Variants in ULK4 observed in about 807,000 individuals in gnomAD.
ULK4 encodes inactive serine/threonine-protein kinase ULK4.
In ULK4, 133 loss-of-function variants were observed where a neutral mutation model predicts 160.6. The observed-to-expected ratio is 0.83, with a 90% CI of 0.72 to 0.96. ULK4 has a LOEUF of 0.96. ULK4 is among the 40% of genes least tolerant of loss of function. The probability of loss-of-function intolerance (pLI) is 0.00; values close to 1 mark genes in which losing one functional copy is unlikely to be tolerated. For synonymous variants in ULK4, 534 were observed against 539.8 expected, an observed-to-expected ratio of 0.99 and a Z score of 0.15; for missense variants, 1,580 against 1,499.5, an observed-to-expected ratio of 1.05 and a Z score of -0.89.
chr3:41,642,208 CTTTAAG>C (rs1559453776), intron 30 of ULK4, among the ~76,000 whole-genome samples: 1 of 151,866 alleles, frequency 6.6e-6, no homozygotes, highest in African/African-American at 2.4e-5. Context: ...TTTTTTAATA[CTTTAAG>C]TTTTAGGGTA....
At chr3:41,734,111 G>GA (rs1320453429) in intron 22 of ULK4, among the ~76,000 whole-genome samples, 1 of 152,140 alleles carries the variant, frequency 6.6e-6, no homozygotes, top group Admixed American at 6.5e-5. Flanking sequence ...TGAACAACTA[G>GA]AAGCAGGAAG....
At chr3:41,539,766 C>T (rs57893091) in intron 32 of ULK4, among the ~76,000 whole-genome samples, 5 of 151,984 alleles carry the variant, frequency 3.3e-5, no homozygotes, top group Non-Finnish European at 7.4e-5. Flanking sequence ...TCCTTCCATG[C>T]CTCACCTCTC....
intron 31 of ULK4, among the ~76,000 whole-genome samples, chr3:41,567,684 C>T (rs1192242753): frequency 6.6e-6 from 1 of 151,896 alleles, no homozygotes; most frequent in East Asian, 1.9e-4. Flanking sequence ...AGGATGGTCT[C>T]GATCTCTTGA....
chr3:41,451,297 G>A (rs1013847044), intron 34 of ULK4, among the ~76,000 whole-genome samples: 1 of 151,920 alleles, frequency 6.6e-6, no homozygotes, highest in African/African-American at 2.4e-5. Context: ...CTATAAAGAA[G>A]GTTCCAAGAA....
At chr3:41,760,310 G>C (rs1252206071) in intron 21 of ULK4, among the ~76,000 whole-genome samples, 1 of 152,162 alleles carries the variant, frequency 6.6e-6, no homozygotes, top group Non-Finnish European at 1.5e-5. Flanking sequence ...TACATTGCTA[G>C]TGGGAATGCA....
chr3:41,800,313 AAAT>A lies in ULK4; in HGVS notation c.1849-23_1849-21del, dbSNP rs765088029. ...CTCTTCCTATAGAGAAAGGAGATTA[AAAT>A]AATATTAGTGTGAGAAATAAATACA... On this transcript the variant is annotated intron_variant, in intron 19 of 36. Coordinates refer to ENST00000301831, the MANE Select transcript of ULK4 (RefSeq NM_017886.4). 195 of 1,588,546 alleles carry A rather than the reference AAAT, an allele frequency of 1.2e-4. No individual in the cohort carries two copies. Among genetic ancestry groups the A allele is most frequent in the Non-Finnish European group, 1.6e-4 (186 of 1,166,786 alleles).
intron 34 of ULK4, among the ~76,000 whole-genome samples, chr3:41,423,353 T>G (rs1386599): frequency 6.6e-6 from 1 of 151,858 alleles, no homozygotes; most frequent in African/African-American, 2.4e-5. Flanking sequence ...CTTTCCTACC[T>G]CTAAAATTTA....
At chr3:41,512,257 A>G (rs565304961) in intron 32 of ULK4, among the ~76,000 whole-genome samples, 2 of 152,206 alleles carry the variant, frequency 1.3e-5, no homozygotes, top group Non-Finnish European at 2.9e-5. Flanking sequence ...TCTATTCAAC[A>G]TAGTAGAAGT....
At chr3:41,863,688 T>C (rs2042555980) in intron 17 of ULK4, among the ~76,000 whole-genome samples, 1 of 151,656 alleles carries the variant, frequency 6.6e-6, no homozygotes, top group South Asian at 2.1e-4. Context: ...CCGGGTCCTT[T>C]CCCTCAAGGT....
At chr3:41,929,600 GC>G (rs1299625552) in intron 5 of ULK4, among the ~76,000 whole-genome samples, 7 of 152,158 alleles carry the variant, frequency 4.6e-5, no homozygotes, top group African/African-American at 9.7e-5. Flanking sequence ...CATCGTCTCA[GC>G]CCAACATCTC....
At chr3:41,342,077 T>C (rs1169141841) in intron 35 of ULK4, among the ~76,000 whole-genome samples, 1 of 152,154 alleles carries the variant, frequency 6.6e-6, no homozygotes, top group Admixed American at 6.5e-5. Context: ...ACTGCCATAA[T>C]GGTTTAATAA....
chr3:41,748,465 A>G (rs1442443131), intron 22 of ULK4, among the ~76,000 whole-genome samples: 1 of 152,134 alleles, frequency 6.6e-6, no homozygotes, highest in East Asian at 1.9e-4. Context: ...CTGTGCTTTA[A>G]AAGCACTCAC....
chr3:41,865,621 A>C (rs2042598756), intron 17 of ULK4, among the ~76,000 whole-genome samples: 1 of 152,168 alleles, frequency 6.6e-6, no homozygotes, highest in Non-Finnish European at 1.5e-5. Context: ...GGAAAGTTCC[A>C]CAAAGACAGG....
intron 22 of ULK4, among the ~76,000 whole-genome samples, chr3:41,730,355 G>A (rs1002355483): frequency 6.6e-6 from 1 of 151,964 alleles, no homozygotes; most frequent in South Asian, 2.1e-4. Flanking sequence ...AATAGAGTTC[G>A]TTCTTTGAAA....
intron 27 of ULK4, 131 bp downstream of exon 27, chr3:41,704,926 T>G: frequency 1.6e-6 from 1 of 611,952 alleles, no homozygotes; most frequent in Non-Finnish European, 2.7e-6. Flanking sequence ...CCTGCCAGGG[T>G]AGGGGGGTTC....
At chr3:41,681,696 C>T (rs537952803) in intron 28 of ULK4, 44 bp from the exon 29 acceptor site, 1 of 1,613,726 alleles carries the variant, frequency 6.2e-7, no homozygotes, top group South Asian at 1.1e-5. Context: ...TCCATGGAGA[C>T]AGAATGAAAA....
At chr3:41,449,055 C>A (rs575651147) in intron 34 of ULK4, among the ~76,000 whole-genome samples, 7 of 152,024 alleles carry the variant, frequency 4.6e-5, no homozygotes, top group Admixed American at 1.3e-4. Context: ...GTAGTTGGGA[C>A]TACAGGCATG....
At chr3:41,307,583 T>C in intron 35 of ULK4, among the ~76,000 whole-genome samples, 1 of 152,094 alleles carries the variant, frequency 6.6e-6, no homozygotes, top group Admixed American at 6.6e-5. Context: ...ATCCAAGCAC[T>C]TTAGGAGCCA....
At chr3:41,703,873 CACAA>C (rs2036771865) in intron 27 of ULK4, among the ~76,000 whole-genome samples, 1 of 130,498 alleles carries the variant, frequency 7.7e-6, no homozygotes, top group South Asian at 2.3e-4. Context: ...CACACACACA[CACAA>C]GTTAACTGTG....
Sources: gnomAD v4.1 joint callset for allele counts (sites outside exome capture counted in the v4.1 genomes callset) on GRCh38, gnomAD v4.1.1 for gene constraint, MANE v1.5 for transcripts, NCBI Gene and HGNC (gene_info 2026-07-23, HGNC 2026-07-21) for gene names.